Variants in IL6R observed in about 807,000 individuals in gnomAD.
The protein encoded by IL6R is interleukin 6 receptor.
A neutral mutation model predicts 48.3 loss-of-function variants in IL6R; 38 were observed. That is an observed-to-expected ratio of 0.79 (90% CI 0.61 to 1.03). The LOEUF (loss-of-function observed/expected upper bound fraction) is 1.03. Ranked by LOEUF, IL6R falls within the 50% of genes least tolerant of loss-of-function variation. The probability of loss-of-function intolerance (pLI) is 0.00; values close to 1 mark genes in which losing one functional copy is unlikely to be tolerated. For missense variants in IL6R, 534 were observed against 618.3 expected, an observed-to-expected ratio of 0.86 and a Z score of 1.45; for synonymous variants, 264 against 256.2, an observed-to-expected ratio of 1.03 and a Z score of -0.29.
chr1:154,449,509 A>C (rs1413603676), intron 7 of IL6R, among the ~76,000 whole-genome samples: 1 of 152,038 alleles, frequency 6.6e-6, no homozygotes, highest in African/African-American at 2.4e-5. Flanking sequence ...GTGAAACTCC[A>C]TTTCACAAAA....
chr1:154,417,864 A>G (rs1688441762), intron 1 of IL6R, among the ~76,000 whole-genome samples: 1 of 151,072 alleles, frequency 6.6e-6, no homozygotes, highest in Admixed American at 6.6e-5. Flanking sequence ...CCTCCCAAGT[A>G]GCTGGGATTA....
chr1:154,421,003 C>G (rs193255631), intron 1 of IL6R, among the ~76,000 whole-genome samples: 61 of 152,276 alleles, frequency 4.0e-4, no homozygotes, highest in African/African-American at 1.3e-3. Flanking sequence ...AATACTGCCT[C>G]CTTTTGTGAT....
chr1:154,432,357 C>CTTT (rs1171656160), intron 3 of IL6R, among the ~76,000 whole-genome samples: 6 of 139,350 alleles, frequency 4.3e-5, no homozygotes, highest in African/African-American at 7.9e-5. Flanking sequence ...AACTGAAATA[C>CTTT]TTTTTTTTTT....
intron 6 of IL6R, among the ~76,000 whole-genome samples, chr1:154,446,495 A>C (rs1690237746): frequency 6.6e-6 from 1 of 152,158 alleles, no homozygotes; most frequent in African/African-American, 2.4e-5. Flanking sequence ...CATTCTGTGG[A>C]ATTTTAGAAT....
chr1:154,412,236 C>T (rs889143163), intron 1 of IL6R, among the ~76,000 whole-genome samples: 3 of 150,454 alleles, frequency 2.0e-5, no homozygotes, highest in African/African-American at 4.9e-5. Context: ...TGTGAGCCAC[C>T]GTGCCCGGTG....
chr1:154,412,550 G>A (rs149379444), intron 1 of IL6R, among the ~76,000 whole-genome samples: 3 of 152,242 alleles, frequency 2.0e-5, no homozygotes, highest in East Asian at 1.9e-4. Flanking sequence ...GAGCTACCGC[G>A]CCCGGCCTTT....
At chr1:154,418,364 C>T in intron 1 of IL6R, 1 of 977,710 alleles carries the variant, frequency 1.0e-6, no homozygotes, top group Non-Finnish European at 1.2e-6. Flanking sequence ...TCCAAAGGAG[C>T]CTCCCTCCCA....
chr1:154,455,647 T>G (rs1380560923), intron 9 of IL6R, among the ~76,000 whole-genome samples: 1 of 150,682 alleles, frequency 6.6e-6, no homozygotes, highest in Non-Finnish European at 1.5e-5. Context: ...AGAGACAGGG[T>G]TTCACCGTGT....
chr1:154,440,658 T>TG (rs1193034375), intron 6 of IL6R, among the ~76,000 whole-genome samples: 1 of 149,190 alleles, frequency 6.7e-6, no homozygotes, highest in East Asian at 1.9e-4. Flanking sequence ...TTAATGTCTT[T>TG]TTTTTTTTTT....
intron 9 of IL6R, among the ~76,000 whole-genome samples, chr1:154,463,271 CAGG>C (rs1259164012): frequency 6.6e-6 from 1 of 152,060 alleles, no homozygotes; most frequent in Non-Finnish European, 1.5e-5. Context: ...TCCTTTCTTA[CAGG>C]AGAACTCCAT....
intron 9 of IL6R, 85 bp downstream of exon 9, chr1:154,454,666 C>T (rs1690774565): frequency 2.3e-6 from 2 of 877,780 alleles, no homozygotes; most frequent in Non-Finnish European, 3.8e-6. Flanking sequence ...ATTTATGGTG[C>T]ATTTATTCAT....
chr1:154,448,054 A>T, intron 6 of IL6R, 71 bp from the exon 7 acceptor site: 16 of 1,259,512 alleles, frequency 1.3e-5, no homozygotes, highest in Admixed American at 1.2e-4. Flanking sequence ...TTTTTTTCTG[A>T]TGCTGAAGCC....
At chr1:154,428,529 C>T (rs7537306) in intron 1 of IL6R, among the ~76,000 whole-genome samples, 8,712 of 152,304 alleles carry the variant, frequency 0.057, 853 homozygotes, top group African/African-American at 0.2. Flanking sequence ...GGCATCCATT[C>T]GTTCACACAT....
intron 1 of IL6R, chr1:154,414,957 C>G: frequency 7.5e-7 from 1 of 1,339,868 alleles, no homozygotes. Context: ...GGATGCTCCA[C>G]TGGCCCCGAT....
chr1:154,414,628 A>G lies in IL6R; in HGVS notation c.85+8914A>G. The G allele has an allele frequency of 5.0e-6, 4 of 799,974 alleles. No homozygotes were observed. The East Asian group carries it at 1.1e-4, about 22-fold the overall frequency. The allele number at this position is 799,974 out of a possible 1,614,324, so 49.6% of individuals were successfully genotyped here. ...CATCTCATCCCTGATAGTGTCAAGC[A>G]GGATGTCGATGAAGACGGTGTAGCT... is the stretch of plus-strand genomic sequence containing the variant. On this transcript the variant is annotated intron_variant, in intron 1 of 9. Coordinates refer to ENST00000368485, the MANE Select transcript of IL6R (RefSeq NM_000565.4).
At position 154,405,682 on chromosome 1, in the gene IL6R, C is replaced by T; in HGVS notation, c.53C>T (p.Ala18Val). ...LLAALLAAPG[A>V]ALAPRRCPAQ... The stretch of plus-strand genomic sequence containing the variant: ...GCTGCCCTGCTGGCCGCGCCGGGAG[C>T]GGCGCTGGCCCCAAGGCGCTGCCCT... The change falls in exon 1 of 10, where the codon GCG becomes GTG. Residue 18 changes from alanine to valine, a missense_variant. By Grantham distance (64) the Ala-to-Val change is moderately conservative. Transcript: ENST00000368485. The surrounding 1 kb of genome is among the most constrained non-coding windows in gnomAD (Gnocchi z 5.2). 1 of 1,526,986 alleles carries T rather than the reference C, an allele frequency of 6.5e-7. No homozygotes were observed. Among genetic ancestry groups the T allele is most frequent in the Non-Finnish European group, 8.7e-7 (1 of 1,144,018 alleles). 94.6% of individuals were successfully genotyped at this position (1,526,986 alleles called of 1,614,324 possible). A position where few individuals can be genotyped will look rare whatever the true frequency, so the allele number is the denominator to read the frequency against.
intron 1 of IL6R, among the ~76,000 whole-genome samples, chr1:154,426,413 C>T (rs539414745): frequency 6.0e-5 from 9 of 150,794 alleles, no homozygotes; most frequent in Non-Finnish European, 1.3e-4. Context: ...CCCAACTACT[C>T]GGGAGGCTGA....
intron 8 of IL6R, among the ~76,000 whole-genome samples, chr1:154,450,492 G>A (rs895869972): frequency 5.9e-5 from 9 of 152,160 alleles, no homozygotes; most frequent in Admixed American, 1.3e-4. Context: ...TGAGGAGACC[G>A]TAAGAAAAGT....
In IL6R at chr1:154,465,531, G is replaced by A; in HGVS notation, c.*151G>A. ...AGCCTTGCGGAAGGTTCTACGCCAG[G>A]GGAAAATCAGCCTGCTCCAGCTGTT... On this transcript the variant is annotated 3_prime_UTR_variant, in exon 10 of 10. Transcript: ENST00000368485. 2.5e-6 allele frequency: 2 copies of A among 810,952 alleles called. No homozygotes were observed. Among genetic ancestry groups the A allele is most frequent in the Non-Finnish European group, 3.9e-6 (2 of 515,996 alleles). The allele number at this position is 810,952 out of a possible 1,614,324, so 50.2% of individuals were successfully genotyped here.
Sources: gnomAD v4.1 joint callset for allele counts (sites outside exome capture counted in the v4.1 genomes callset) on GRCh38, gnomAD v4.1.1 for gene constraint, Gnocchi (gnomAD v3.1) non-coding constraint, MANE v1.5 for transcripts, NCBI Gene and HGNC (gene_info 2026-07-23, HGNC 2026-07-21) for gene names.